AHCY: variants seen among roughly 807,000 people sequenced by gnomAD.
AHCY encodes the protein adenosylhomocysteinase.
A neutral mutation model predicts 45.4 loss-of-function variants in AHCY; 24 were observed. That is an observed-to-expected ratio of 0.53 (90% CI 0.38 to 0.74). The LOEUF (loss-of-function observed/expected upper bound fraction) is 0.74. Ranked by LOEUF, AHCY falls within the 30% of genes least tolerant of loss-of-function variation. The probability of loss-of-function intolerance (pLI) is 0.00; values close to 1 mark genes in which losing one functional copy is unlikely to be tolerated. For synonymous variants in AHCY, 245 were observed against 235.1 expected, an observed-to-expected ratio of 1.04 and a Z score of -0.39; for missense variants, 449 against 594.1, an observed-to-expected ratio of 0.76 and a Z score of 2.54.
upstream of AHCY, among the ~76,000 whole-genome samples, chr20:34,305,393 T>C (rs1020804789): frequency 1.3e-5 from 2 of 152,024 alleles, no homozygotes; most frequent in Admixed American, 1.3e-4. Flanking sequence ...TCTCACTTGA[T>C]CTGTACATCT....
At chr20:34,273,117 T>C in the AHCY span, among the ~76,000 whole-genome samples, 12 of 152,262 alleles carry the variant, frequency 7.9e-5, no homozygotes, top group Admixed American at 7.2e-4. Context: ...CCATTGGCCA[T>C]TGGTGATCAA....
the AHCY span, among the ~76,000 whole-genome samples, chr20:34,237,418 T>A: frequency 6.6e-6 from 1 of 152,234 alleles, no homozygotes; most frequent in Non-Finnish European, 1.5e-5. Flanking sequence ...ATTCTTTTGA[T>A]GCTTTTGTAG....
At position 34,280,927 on chromosome 20, in the gene AHCY, G is replaced by C. The variant is rs1471230601; in HGVS notation, c.*107C>G. The C allele has an allele frequency of 2.6e-6, 4 of 1,526,366 alleles. No homozygotes were observed. The highest frequency in any genetic ancestry group is 1.7e-4 in the Middle Eastern group (1 of 5,940). 94.6% of individuals were successfully genotyped at this position (1,526,366 alleles called of 1,614,324 possible). On this transcript the variant is annotated 3_prime_UTR_variant, in exon 10 of 10. Coordinates refer to ENST00000217426, the MANE Select transcript of AHCY (RefSeq NM_000687.4). ...AGTGATCAGCCCCAGAGAGTCGATG[G>C]GGGACACTGACAAACCAATCACAAA...
At chr20:34,252,731 T>C in the AHCY span, among the ~76,000 whole-genome samples, 2 of 152,110 alleles carry the variant, frequency 1.3e-5, no homozygotes, top group Non-Finnish European at 2.9e-5. Context: ...GGTCTTTCCT[T>C]TCCCACGAGG....
intron 9 of AHCY, among the ~76,000 whole-genome samples, chr20:34,283,039 T>C (rs2036053386): frequency 6.6e-6 from 1 of 152,154 alleles, no homozygotes; most frequent in Non-Finnish European, 1.5e-5. Context: ...CAGAAGGTGA[T>C]GTGCTCAGCA....
At chr20:34,261,865 C>T in the AHCY span, among the ~76,000 whole-genome samples, 2 of 152,078 alleles carry the variant, frequency 1.3e-5, no homozygotes, top group Non-Finnish European at 2.9e-5. Flanking sequence ...CTAATCCCAG[C>T]GCTTTGGGAG....
upstream of AHCY, among the ~76,000 whole-genome samples, chr20:34,308,337 G>A (rs1204549752): frequency 6.6e-6 from 1 of 152,176 alleles, no homozygotes; most frequent in Non-Finnish European, 1.5e-5. Context: ...GATCACTTGA[G>A]GTCAGGAGTT....
chr20:34,266,750 C>G, the AHCY span, among the ~76,000 whole-genome samples: 1 of 152,354 alleles, frequency 6.6e-6, no homozygotes, highest in South Asian at 2.1e-4. Context: ...TAGCACCAAA[C>G]TGACCCTTTC....
chr20:34,268,847 G>T, the AHCY span: 19 of 980,818 alleles, frequency 1.9e-5, no homozygotes, highest in South Asian at 7.9e-5. Context: ...GAATCTGACT[G>T]GGGGAGCGGG....
chr20:34,280,922 C>A lies in AHCY; in HGVS notation c.*112G>T. 6.6e-7 allele frequency: 1 copy of A among 1,504,838 alleles called. No homozygotes were observed. Among genetic ancestry groups the A allele is most frequent in the East Asian group, 2.4e-5 (1 of 41,842 alleles). The allele number at this position is 1,504,838 out of a possible 1,614,324, so 93.2% of individuals were successfully genotyped here. A position where few individuals can be genotyped will look rare whatever the true frequency, so the allele number is the denominator to read the frequency against. ...AACTAAGTGATCAGCCCCAGAGAGT[C>A]GATGGGGGACACTGACAAACCAATC... On this transcript the variant is annotated 3_prime_UTR_variant, in exon 10 of 10. Coordinates refer to ENST00000217426, the MANE Select transcript of AHCY (RefSeq NM_000687.4).
intron 1 of AHCY, 34 bp from the exon 2 acceptor site, chr20:34,295,619 C>A: frequency 6.2e-7 from 1 of 1,606,582 alleles, no homozygotes; most frequent in South Asian, 1.1e-5. Context: ...TTCCGTGAGT[C>A]CCCTCATCCC....
the AHCY span, chr20:34,260,641 T>C: frequency 1.8e-4 from 235 of 1,271,786 alleles, 2 homozygotes; most frequent in African/African-American, 3.0e-3. Context: ...CGGCTCCTTC[T>C]TGCTCGTTCC....
At chr20:34,260,258 G>C in the AHCY span, 85 of 1,164,620 alleles carry the variant, frequency 7.3e-5, no homozygotes, top group Middle Eastern at 1.2e-3. Context: ...CAGGACACTT[G>C]CCTAACAGGG....
chr20:34,277,199 C>T (rs755608625), downstream of AHCY, among the ~76,000 whole-genome samples: 5 of 152,112 alleles, frequency 3.3e-5, no homozygotes, highest in African/African-American at 9.7e-5. Context: ...GCCAGTCACA[C>T]AGAGGTGGGC....
At chr20:34,281,211 G>A in intron 9 of AHCY, 46 bp from the exon 10 acceptor site, 1 of 1,610,096 alleles carries the variant, frequency 6.2e-7, no homozygotes, top group Non-Finnish European at 8.5e-7. Flanking sequence ...CATTTTCTGG[G>A]ACCCCTACAC....
At chr20:34,293,015 G>A (rs370502052) in intron 3 of AHCY, among the ~76,000 whole-genome samples, 1 of 151,712 alleles carries the variant, frequency 6.6e-6, no homozygotes, top group Admixed American at 6.6e-5. Context: ...GCCTCTGTGT[G>A]GGGGAATCTC....
chr20:34,246,412 AC>A, the AHCY span: 1 of 1,369,968 alleles, frequency 7.3e-7, no homozygotes, highest in Non-Finnish European at 1.0e-6. Context: ...GCATATATTC[AC>A]AGTACTCTGT....
chr20:34,250,569 G>A, the AHCY span, among the ~76,000 whole-genome samples: 2 of 151,990 alleles, frequency 1.3e-5, no homozygotes, highest in African/African-American at 4.8e-5. Context: ...AGGCTGAGGC[G>A]GGCGGATCAC....
chr20:34,262,857 C>G, the AHCY span: 1 of 1,613,884 alleles, frequency 6.2e-7, no homozygotes, highest in Admixed American at 1.7e-5. Flanking sequence ...CCAAACAGAT[C>G]GGCAGAAAAG....
Sources: allele counts gnomAD v4.1 joint callset (sites outside exome capture counted in the v4.1 genomes callset), GRCh38; gene constraint gnomAD v4.1.1; transcripts MANE v1.5; gene names NCBI Gene and HGNC (gene_info 2026-07-23, HGNC 2026-07-21).